Variants in CENPW observed in about 807,000 individuals in gnomAD.
CENPW encodes centromere protein W.
In CENPW, 3 loss-of-function variants were observed where a neutral mutation model predicts 11.1. That is an observed-to-expected ratio of 0.27 (90% CI 0.12 to 0.70). The LOEUF is 0.70. CENPW is among the 30% of genes least tolerant of loss of function. CENPW has a pLI of 0.77. For missense variants in CENPW, 100 were observed against 105.6 expected (o/e 0.95, Z 0.23); for synonymous variants, 38 against 42.0 (o/e 0.91, Z 0.37).
chr6:126,459,917 TC>T, the CENPW span, among the ~76,000 whole-genome samples: 2 of 151,438 alleles, frequency 1.3e-5, no homozygotes, highest in African/African-American at 2.4e-5. Flanking sequence ...TGTTTTTTCT[TC>T]CTTTTTTTTT....
chr6:126,409,604 A>G, the CENPW span, among the ~76,000 whole-genome samples: 2 of 151,950 alleles, frequency 1.3e-5, no homozygotes, highest in South Asian at 2.1e-4. Context: ...TGCTTCGTGC[A>G]TACATATTCA....
chr6:126,408,310 T>C, the CENPW span, among the ~76,000 whole-genome samples: 2 of 151,810 alleles, frequency 1.3e-5, no homozygotes, highest in Non-Finnish European at 2.9e-5. Context: ...GCTGGGGAGG[T>C]CTCATAATCA....
chr6:126,456,009 G>T, the CENPW span, among the ~76,000 whole-genome samples: 3 of 150,996 alleles, frequency 2.0e-5, no homozygotes, highest in Non-Finnish European at 4.5e-5. Flanking sequence ...ACGAGGGGGG[G>T]CAAAAGATGT....
the CENPW span, among the ~76,000 whole-genome samples, chr6:126,449,191 C>T: frequency 6.6e-6 from 1 of 151,064 alleles, no homozygotes; most frequent in Non-Finnish European, 1.5e-5. Flanking sequence ...ATATACTCCA[C>T]CTCCACTGGA....
At chr6:126,457,537 A>G in the CENPW span, among the ~76,000 whole-genome samples, 5 of 151,414 alleles carry the variant, frequency 3.3e-5, no homozygotes, top group Non-Finnish European at 7.4e-5. Context: ...AAACAAGGGA[A>G]CAACAGACAC....
chr6:126,372,026 G>C, the CENPW span, among the ~76,000 whole-genome samples: 1 of 150,810 alleles, frequency 6.6e-6, no homozygotes, highest in African/African-American at 2.5e-5. Flanking sequence ...TTATCTTTGC[G>C]AGGAACCAGC....
the CENPW span, among the ~76,000 whole-genome samples, chr6:126,378,970 T>C: frequency 6.6e-6 from 1 of 152,226 alleles, no homozygotes; most frequent in Non-Finnish European, 1.5e-5. Flanking sequence ...AATATTACAT[T>C]GTAAAATATA....
the CENPW span, among the ~76,000 whole-genome samples, chr6:126,364,580 A>G: frequency 6.6e-6 from 1 of 152,178 alleles, no homozygotes; most frequent in South Asian, 2.1e-4. Flanking sequence ...CCTAATGTAT[A>G]TAAGCACATA....
At chr6:126,441,073 A>G in the CENPW span, among the ~76,000 whole-genome samples, 1 of 151,372 alleles carries the variant, frequency 6.6e-6, no homozygotes, top group African/African-American at 2.4e-5. Flanking sequence ...CTAATGTTCT[A>G]CAGTCTACCA....
chr6:126,449,865 C>G, the CENPW span, among the ~76,000 whole-genome samples: 1 of 150,952 alleles, frequency 6.6e-6, no homozygotes, highest in Non-Finnish European at 1.5e-5. Flanking sequence ...AGAAAATGAC[C>G]TTAGTTAAAC....
the CENPW span, among the ~76,000 whole-genome samples, chr6:126,431,101 G>T: frequency 6.6e-6 from 1 of 152,122 alleles, no homozygotes; most frequent in Admixed American, 6.5e-5. Flanking sequence ...GAGGACAGGA[G>T]AATTTTCTTC....
At chr6:126,421,711 G>A in the CENPW span, among the ~76,000 whole-genome samples, 1 of 151,528 alleles carries the variant, frequency 6.6e-6, no homozygotes, top group East Asian at 1.9e-4. Context: ...GGGTAAATCT[G>A]TCTATTAAGT....
chr6:126,429,238 A>G, the CENPW span, among the ~76,000 whole-genome samples: 2 of 152,224 alleles, frequency 1.3e-5, no homozygotes, highest in East Asian at 1.9e-4. Context: ...TTGCTAAATC[A>G]GAGTATTATT....
At chr6:126,425,594 A>G in the CENPW span, among the ~76,000 whole-genome samples, 1 of 151,992 alleles carries the variant, frequency 6.6e-6, no homozygotes, top group Non-Finnish European at 1.5e-5. Flanking sequence ...TTTCCATTCA[A>G]TAAGAGTAGT....
At chr6:126,362,565 G>A in the CENPW span, among the ~76,000 whole-genome samples, 27 of 152,100 alleles carry the variant, frequency 1.8e-4, no homozygotes, top group African/African-American at 6.3e-4. Flanking sequence ...TTGTTAATTC[G>A]TTCTCTCTCA....
the CENPW span, among the ~76,000 whole-genome samples, chr6:126,371,646 A>G: frequency 6.6e-6 from 1 of 152,114 alleles, no homozygotes. Flanking sequence ...CATAATGTCA[A>G]TAGAATTGGT....
chr6:126,454,046 G>C, the CENPW span, among the ~76,000 whole-genome samples: 8 of 151,284 alleles, frequency 5.3e-5, no homozygotes, highest in Non-Finnish European at 8.9e-5. Context: ...ATATGCATGA[G>C]CACAGGAGCA....
At chr6:126,383,706 T>A in the CENPW span, among the ~76,000 whole-genome samples, 1 of 152,132 alleles carries the variant, frequency 6.6e-6, no homozygotes, top group African/African-American at 2.4e-5. Flanking sequence ...AAGGGATCAA[T>A]TCCACAAGAA....
chr6:126,352,105 A>G (rs71565606), downstream of CENPW, among the ~76,000 whole-genome samples: 2 of 152,136 alleles, frequency 1.3e-5, no homozygotes, highest in African/African-American at 4.8e-5. Context: ...GCTTCCGAGA[A>G]CAACTGTTCT....
Sources: gnomAD v4.1 joint callset for allele counts (sites outside exome capture counted in the v4.1 genomes callset) on GRCh38, gnomAD v4.1.1 for gene constraint, MANE v1.5 for transcripts, NCBI Gene and HGNC (gene_info 2026-07-23, HGNC 2026-07-21) for gene names.